The following ATP1A4 variants were observed in gnomAD, a reference collection of about 807,000 sequenced individuals.
The protein encoded by ATP1A4 is sodium/potassium-transporting ATPase subunit alpha-4.
A neutral mutation model predicts 114.3 loss-of-function variants in ATP1A4; 90 were observed. The observed-to-expected ratio is 0.79, with a 90% CI of 0.66 to 0.94. The LOEUF (loss-of-function observed/expected upper bound fraction) is 0.94, where lower values mean the gene tolerates loss of function less well. Ranked by LOEUF, ATP1A4 falls within the 40% of genes least tolerant of loss-of-function variation. ATP1A4 has a pLI of 0.00. For missense variants in ATP1A4, 1,222 were observed against 1,313.6 expected (o/e 0.93, Z 1.08); for synonymous variants, 511 against 494.1 (o/e 1.03, Z -0.45).
chr1:160,167,200 T>G, intron 9 of ATP1A4, 78 bp from the exon 10 acceptor site: 1 of 1,294,834 alleles, frequency 7.7e-7, no homozygotes, highest in Non-Finnish European at 1.1e-6. Context: ...ATTTGTCCCC[T>G]CTCCATGTTG....
rs201980337 is a variant in ATP1A4 at position 160,176,626 on chromosome 1, G to A, written c.2590+24G>A. On this transcript the variant is annotated intron_variant, in intron 17 of 21. Transcript: ENST00000368081. ...TGGTGCGCCCAGAGGAATGAGGGGT[G>A]GAGGGAGCAGGGAGTGGTTTCCCCT... 130 of 1,609,918 alleles carry A rather than the reference G, an allele frequency of 8.1e-5. No homozygotes were observed. The East Asian group carries it at 2.4e-3, about 30-fold the overall frequency.
intron 10 of ATP1A4, among the ~76,000 whole-genome samples, chr1:160,169,025 AT>A (rs1185722217): frequency 6.9e-6 from 1 of 144,346 alleles, no homozygotes; most frequent in Non-Finnish European, 1.5e-5. Flanking sequence ...TTTCTCTCAG[AT>A]GACTATGTTG....
Position 160,171,573 on chromosome 1 carries a change from G to A in ATP1A4, c.1682-12G>A. The A allele has an allele frequency of 6.2e-7, 1 of 1,612,374 alleles. No homozygotes were observed. Among genetic ancestry groups the A allele is most frequent in the Non-Finnish European group, 8.5e-7 (1 of 1,179,032 alleles). On this transcript the variant is annotated splice_polypyrimidine_tract_variant and intron_variant, in intron 11 of 21. Transcript: ENST00000368081. Reference sequence around the variant, plus strand: ...TGGATGACTACTGGTCCCTCCCTCTGTCTCTCTCCAGGCTTCTGCTTCTTG... The same window carrying A: ...TGGATGACTACTGGTCCCTCCCTCTATCTCTCTCCAGGCTTCTGCTTCTTG...
At position 160,155,072 on chromosome 1, in the gene ATP1A4, A is replaced by T. The variant is rs769464645; in HGVS notation, c.235A>T (p.Ile79Phe). 4.3e-6 allele frequency: 7 copies of T among 1,613,988 alleles called. No individual in the cohort carries two copies. In the East Asian group the frequency reaches 1.6e-4, roughly 36 times the overall value. Residue 79 changes from isoleucine (I) to phenylalanine (F), a missense_variant, in exon 3 of 22, where the codon ATC becomes TTC. Coordinates refer to ENST00000368081, the MANE Select transcript of ATP1A4 (RefSeq NM_144699.4). ...KGHSHQRAKE[I>F]LTRGGPNTVT... is the part of the protein sequence containing the mutation. Reference sequence around the variant, plus strand: ...CCATAGCCACCAAAGGGCAAAGGAAATCCTGACTCGAGGTGGACCCAATAC... The same window carrying T: ...CCATAGCCACCAAAGGGCAAAGGAATTCCTGACTCGAGGTGGACCCAATAC...
At chr1:160,172,961 G>T (rs1286154426) in intron 12 of ATP1A4, among the ~76,000 whole-genome samples, 2 of 152,220 alleles carry the variant, frequency 1.3e-5, no homozygotes, top group Non-Finnish European at 2.9e-5. Context: ...AGAGCTCTCA[G>T]TTCAGTGGGG....
chr1:160,164,379 C>T lies in ATP1A4; in HGVS notation c.1002C>T (p.Gly334=), dbSNP rs765001470. The T allele has an allele frequency of 5.6e-6, 9 of 1,614,102 alleles. No individual in the cohort carries two copies. In the South Asian group the frequency reaches 9.9e-5, roughly 18 times the overall value. ...GWLEAIIFLI[G]IIVANVPEGL... Reference sequence around the variant, plus strand: ...TGGAGGCTATCATTTTTCTCATTGGCATCATTGTGGCCAATGTGCCTGAGG... The same window carrying T: ...TGGAGGCTATCATTTTTCTCATTGGTATCATTGTGGCCAATGTGCCTGAGG... The change falls in exon 7 of 22, where the codon GGC becomes GGT. Residue 334 remains glycine, a synonymous_variant. Transcript: ENST00000368081.
chr1:160,163,301 C>G (rs1413827235), intron 6 of ATP1A4, among the ~76,000 whole-genome samples: 1 of 152,182 alleles, frequency 6.6e-6, no homozygotes, highest in East Asian at 1.9e-4. Flanking sequence ...CAATTCAACT[C>G]TGACACAATC....
Position 160,176,117 on chromosome 1 carries a change from G to T in ATP1A4, c.2337G>T (p.Lys779Asn). 1 of 1,614,054 alleles carries T rather than the reference G, an allele frequency of 6.2e-7. No individual in the cohort carries two copies. The highest frequency in any genetic ancestry group is 8.5e-7 in the Non-Finnish European group (1 of 1,180,006). Residue 779 changes from lysine (K) to asparagine (N), a missense_variant, in exon 16 of 22, where the codon AAG (lysine) becomes AAT (asparagine). By Grantham distance (94) the Lys-to-Asn change is moderately conservative. Transcript: ENST00000368081. ...GCCGCCTGATCTTTGACAACCTGAA[G>T]AAATCCATCATGTACACCCTGACCA... is the stretch of plus-strand genomic sequence containing the variant. Reference protein sequence around the residue: ...EEGRLIFDNLKKSIMYTLTSN... With the variant: ...EEGRLIFDNLNKSIMYTLTSN...
intron 6 of ATP1A4, among the ~76,000 whole-genome samples, chr1:160,161,960 C>A (rs1370100063): frequency 6.6e-6 from 1 of 152,184 alleles, no homozygotes; most frequent in Non-Finnish European, 1.5e-5. Flanking sequence ...CTACTGGAAA[C>A]CCTAAGTTCA....
In ATP1A4 at chr1:160,176,243, C is replaced by T. The variant is rs754975269; in HGVS notation, c.2463C>T (p.Asp821=). The T allele has an allele frequency of 6.2e-7, 1 of 1,614,122 alleles. No individual in the cohort carries two copies. Among genetic ancestry groups the T allele is most frequent in the South Asian group, 1.1e-5 (1 of 91,068 alleles). Residue 821 remains aspartate, a synonymous_variant, in exon 16 of 22, where the codon GAC becomes GAT. Coordinates refer to ENST00000368081, the MANE Select transcript of ATP1A4 (RefSeq NM_144699.4). ...ITILCIDLGT[D]MVPAISLAYE... Reference sequence around the variant, plus strand: ...TCCTCTGCATTGATCTCGGCACTGACATGGTAAGGGCCAAGCTGGTGAGCA... The same window carrying T: ...TCCTCTGCATTGATCTCGGCACTGATATGGTAAGGGCCAAGCTGGTGAGCA...
At chr1:160,179,530 C>T (rs1394445372) in intron 18 of ATP1A4, among the ~76,000 whole-genome samples, 2 of 152,228 alleles carry the variant, frequency 1.3e-5, no homozygotes, top group East Asian at 3.8e-4. Context: ...GTCCGTGTCT[C>T]TTCTATGACT....
chr1:160,179,223 GT>G (rs1374760285), intron 18 of ATP1A4, among the ~76,000 whole-genome samples: 1 of 152,172 alleles, frequency 6.6e-6, no homozygotes, highest in Admixed American at 6.5e-5. Context: ...GCCATCAGAT[GT>G]CAATATTCCC....
chr1:160,159,164 G>A lies in ATP1A4; in HGVS notation c.660+28G>A, dbSNP rs371264498. Reference sequence around the variant, plus strand: ...GAGGGGATGCCGAAAGCTATGTGAGGGACCCAAGCGTGATCTCATGGCAGG... The same window carrying A: ...GAGGGGATGCCGAAAGCTATGTGAGAGACCCAAGCGTGATCTCATGGCAGG... On this transcript the variant is annotated intron_variant, in intron 5 of 21. Transcript: ENST00000368081. 3.4e-5 allele frequency: 54 copies of A among 1,606,490 alleles called. No individual in the cohort carries two copies. In the Middle Eastern group the frequency reaches 6.3e-3, roughly 187 times the overall value.
chr1:160,166,163 G>A (rs1457363400), intron 7 of ATP1A4, among the ~76,000 whole-genome samples: 8 of 152,130 alleles, frequency 5.3e-5, no homozygotes, highest in African/African-American at 1.7e-4. Flanking sequence ...TGAGCTACTC[G>A]GGAGCCTGAG....
chr1:160,164,543 T>C (rs1652969743), intron 7 of ATP1A4, 119 bp downstream of exon 7: 2 of 1,063,728 alleles, frequency 1.9e-6, no homozygotes, highest in Admixed American at 4.6e-5. Context: ...GATATGTAAA[T>C]AGGTATCAGG....
intron 20 of ATP1A4, 37 bp from the exon 21 acceptor site, chr1:160,186,239 C>A: frequency 1.4e-6 from 2 of 1,441,540 alleles, no homozygotes; most frequent in Non-Finnish European, 1.9e-6. Flanking sequence ...TGGCATCTCT[C>A]TCTCCTGCCA....
rs567745207 is a variant in ATP1A4, at chr1:160,153,560, T to C, written c.207+336T>C. ...GGCTTAAGTCTGTCTATATTTACCA[T>C]ATTAGAAATTAAAATTGAGAGTTTT... On this transcript the variant is annotated intron_variant, in intron 2 of 21. Transcript: ENST00000368081. Among the ~76,000 whole-genome samples, 16 of 152,338 alleles carry C rather than the reference T, an allele frequency of 1.1e-4. No individual in the cohort carries two copies. In the South Asian group the frequency reaches 3.3e-3, roughly 32 times the overall value.
rs529559455 is a variant in ATP1A4, at chr1:160,169,250, G to T, written c.1491+1838G>T. Among the ~76,000 whole-genome samples the T allele has an allele frequency of 1.1e-3, 174 of 152,294 alleles. 1 individual carries two copies. Among genetic ancestry groups the T allele is most frequent in the African/African-American group, 4.0e-3 (167 of 41,552 alleles). On this transcript the variant is annotated intron_variant, in intron 10 of 21. Transcript: ENST00000368081. The stretch of plus-strand genomic sequence containing the variant: ...AGACTGCTGGCGGTTTGCAGAGCCT[G>T]GTCTGTCTCCCTCTGAGATAAAAAT...
At position 160,176,198 on chromosome 1, in the gene ATP1A4, G is replaced by A. The variant is rs772559754; in HGVS notation, c.2418G>A (p.Leu806=). 1.9e-6 allele frequency: 3 copies of A among 1,613,978 alleles called. No individual in the cohort carries two copies. The Admixed American group carries it at 5.0e-5, about 27-fold the overall frequency. ...TGTTCATCATCCTCGGTATACCCCT[G>A]CCTCTGGGAACCATAACCATCCTCT... ...FLMFIILGIP[L]PLGTITILCI... The change falls in exon 16 of 22, where the codon CTG becomes CTA. Residue 806 remains leucine, a synonymous_variant. Transcript: ENST00000368081.
Sources: gnomAD v4.1 joint callset for allele counts (sites outside exome capture counted in the v4.1 genomes callset) on GRCh38, gnomAD v4.1.1 for gene constraint, MANE v1.5 for transcripts, NCBI Gene and HGNC (gene_info 2026-07-23, HGNC 2026-07-21) for gene names.